AFF2: variants seen among roughly 807,000 people sequenced by gnomAD.
AFF2 encodes the protein AF4/FMR2 family member 2.
A neutral mutation model predicts 76.9 loss-of-function variants in AFF2; 14 were observed. The ratio of observed to expected loss-of-function variants is 0.18; its 90% CI spans 0.12 to 0.28. AFF2 has a LOEUF of 0.28. Among genes scored for constraint, AFF2 ranks in the 10% least tolerant of loss-of-function variants. AFF2 has a pLI of 1.00. For synonymous variants in AFF2, 398 were observed against 366.7 expected, an observed-to-expected ratio of 1.09 and a Z score of -0.98; for missense variants, 868 against 1,001.1, an observed-to-expected ratio of 0.87 and a Z score of 1.79.
intron 4 of AFF2, among the ~76,000 whole-genome samples, chrX:148,831,905 C>CTG (rs2070458858): frequency 8.9e-6 from 1 of 112,154 alleles, no homozygotes; most frequent in Non-Finnish European, 1.9e-5. Flanking sequence ...AACACCTCCT[C>CTG]TATACACACA....
rs183372327 is a variant in AFF2, at chrX:148,737,553, C to T, written c.1042-72323C>T. Reference sequence around the variant, plus strand: ...GGGTTTTCAAAGTAAATGATCATATCATCAGCAAACAGTTGACAGTTTGAC... The same window carrying T: ...GGGTTTTCAAAGTAAATGATCATATTATCAGCAAACAGTTGACAGTTTGAC... On this transcript the variant is annotated intron_variant, in intron 3 of 20. Coordinates refer to ENST00000370460, the MANE Select transcript of AFF2 (RefSeq NM_002025.4). Among the ~76,000 whole-genome samples, 88 of 111,383 alleles carry T rather than the reference C, an allele frequency of 7.9e-4. 1 individual carries two copies. The highest frequency in any genetic ancestry group is 4.6e-3 in the Middle Eastern group (1 of 218).
chrX:148,611,744 A>T (rs2053736260), intron 1 of AFF2, among the ~76,000 whole-genome samples: 1 of 111,341 alleles, frequency 9.0e-6, no homozygotes, highest in African/African-American at 3.3e-5. Flanking sequence ...TGCCCACTCC[A>T]GCCTTCAAGA....
chrX:148,817,556 A>G (rs1385837679), intron 4 of AFF2, among the ~76,000 whole-genome samples: 3 of 112,266 alleles, frequency 2.7e-5, no homozygotes, highest in African/African-American at 9.7e-5. Flanking sequence ...ACAAAATATG[A>G]CAGTATAACT....
chrX:148,590,761 C>G (rs1416097052), intron 1 of AFF2, among the ~76,000 whole-genome samples: 2 of 111,868 alleles, frequency 1.8e-5, no homozygotes, highest in Non-Finnish European at 3.8e-5. Flanking sequence ...ATTTGTTTTC[C>G]TTAGGAAATG....
intron 1 of AFF2, among the ~76,000 whole-genome samples, chrX:148,519,722 C>T (rs1039714700): frequency 3.6e-5 from 4 of 111,703 alleles, no homozygotes; most frequent in Non-Finnish European, 7.5e-5. Context: ...TACATACACA[C>T]TGTATATACA....
intron 3 of AFF2, among the ~76,000 whole-genome samples, chrX:148,785,707 TAAG>T (rs1371449461): frequency 8.9e-6 from 1 of 111,999 alleles, no homozygotes; most frequent in East Asian, 2.8e-4. Flanking sequence ...GGCTCTCTCA[TAAG>T]AATACCCTCC....
intron 3 of AFF2, among the ~76,000 whole-genome samples, chrX:148,753,181 A>G (rs1351046892): frequency 5.4e-5 from 6 of 111,742 alleles, no homozygotes; most frequent in Non-Finnish European, 1.1e-4. Context: ...TCAACTCCAC[A>G]TTTTTATAGT....
intron 1 of AFF2, among the ~76,000 whole-genome samples, chrX:148,626,662 G>A (rs1414945516): frequency 9.0e-6 from 1 of 110,625 alleles, no homozygotes; most frequent in African/African-American, 3.3e-5. Context: ...AGCTTCTCAT[G>A]GTCCCAGGCA....
intron 1 of AFF2, among the ~76,000 whole-genome samples, chrX:148,527,020 A>G (rs1360386911): frequency 1.8e-5 from 2 of 112,350 alleles, no homozygotes; most frequent in Non-Finnish European, 3.8e-5. Context: ...TGAAATATTT[A>G]CATAATTTCT....
At chrX:148,611,228 A>G (rs1557249462) in intron 1 of AFF2, among the ~76,000 whole-genome samples, 4 of 111,875 alleles carry the variant, frequency 3.6e-5, no homozygotes, top group Non-Finnish European at 7.5e-5. Context: ...ATGGTTGTTG[A>G]TTTAGGCAGT....
chrX:148,613,717 C>A (rs1370187619), intron 1 of AFF2, among the ~76,000 whole-genome samples: 3 of 111,075 alleles, frequency 2.7e-5, no homozygotes, highest in African/African-American at 6.5e-5. Flanking sequence ...TGAGCCATAT[C>A]TCTCTCTCTC....
At chrX:148,519,716 T>TACACAC (rs1196749583) in intron 1 of AFF2, among the ~76,000 whole-genome samples, 1 of 111,912 alleles carries the variant, frequency 8.9e-6, no homozygotes, top group African/African-American at 3.3e-5. Context: ...TACGTATACA[T>TACACAC]ACACACTGTA....
At chrX:148,644,523 A>G (rs2054124065) in intron 1 of AFF2, among the ~76,000 whole-genome samples, 1 of 112,305 alleles carries the variant, frequency 8.9e-6, no homozygotes, top group African/African-American at 3.2e-5. Context: ...AGTGGCTGGC[A>G]TAAACAAGGA....
At chrX:148,575,860 T>C (rs1185421942) in intron 1 of AFF2, among the ~76,000 whole-genome samples, 1 of 108,989 alleles carries the variant, frequency 9.2e-6, no homozygotes, top group African/African-American at 3.3e-5. Flanking sequence ...TCTGATATTA[T>C]AATATTATAT....
chrX:148,863,725 T>C (rs2070875432), intron 7 of AFF2, among the ~76,000 whole-genome samples: 1 of 111,814 alleles, frequency 8.9e-6, no homozygotes, highest in Non-Finnish European at 1.9e-5. Context: ...TGCTTTTCAC[T>C]GTTAGTTGAG....
At chrX:148,639,523 G>A (rs1235423986) in intron 1 of AFF2, among the ~76,000 whole-genome samples, 2 of 112,019 alleles carry the variant, frequency 1.8e-5, no homozygotes, top group Non-Finnish European at 3.8e-5. Context: ...AGTTTTGAAT[G>A]GAAGGCTGAG....
intron 6 of AFF2, 36 bp downstream of exon 6, chrX:148,843,038 TC>T (rs2124671968): frequency 8.9e-7 from 1 of 1,121,868 alleles, no homozygotes; most frequent in Non-Finnish European, 1.2e-6. Context: ...AGTCCAAACA[TC>T]CATGTCCTCT....
intron 8 of AFF2, among the ~76,000 whole-genome samples, chrX:148,893,132 C>T (rs969683863): frequency 8.9e-6 from 1 of 112,209 alleles, no homozygotes; most frequent in Admixed American, 9.4e-5. Context: ...CTCAAACTCT[C>T]CACCAATTAG....
chrX:148,554,471 T>C (rs1442499196), intron 1 of AFF2, among the ~76,000 whole-genome samples: 7 of 112,098 alleles, frequency 6.2e-5, no homozygotes, highest in African/African-American at 2.3e-4. Context: ...GAGACAGGGC[T>C]GGAGGTTAGC....
Sources: gnomAD v4.1 joint callset for allele counts (sites outside exome capture counted in the v4.1 genomes callset) on GRCh38, gnomAD v4.1.1 for gene constraint, MANE v1.5 for transcripts, NCBI Gene and HGNC (gene_info 2026-07-23, HGNC 2026-07-21) for gene names.